RNF125: variants seen among roughly 807,000 people sequenced by gnomAD.
RNF125 encodes E3 ubiquitin-protein ligase RNF125.
RNF125 carries 21 observed loss-of-function variants against 26.0 expected under a neutral mutation model. The observed-to-expected ratio is 0.81, with a 90% confidence interval of 0.57 to 1.16. The LOEUF is 1.16. Among genes scored for constraint, RNF125 ranks in the 50% most tolerant of loss-of-function variants. The pLI is 0.00. For synonymous variants in RNF125, 95 were observed against 109.2 expected, an observed-to-expected ratio of 0.87 and a Z score of 0.81; for missense variants, 270 against 299.4, an observed-to-expected ratio of 0.90 and a Z score of 0.72.
At chr18:32,027,003 TG>T (rs1211733270) in intron 1 of RNF125, among the ~76,000 whole-genome samples, 10 of 152,230 alleles carry the variant, frequency 6.6e-5, no homozygotes, top group Non-Finnish European at 2.9e-5. Flanking sequence ...AAACAACAGC[TG>T]GATGAGAGGC....
At chr18:32,022,303 G>A (rs914093425) in intron 1 of RNF125, among the ~76,000 whole-genome samples, 2 of 152,146 alleles carry the variant, frequency 1.3e-5, no homozygotes, top group Non-Finnish European at 1.5e-5. Context: ...GTATTGTGAT[G>A]CAGTAGTAAC....
At chr18:32,067,247 C>G (rs574093338) in intron 5 of RNF125, among the ~76,000 whole-genome samples, 2 of 152,118 alleles carry the variant, frequency 1.3e-5, no homozygotes, top group African/African-American at 4.8e-5. Flanking sequence ...AGCGAGACTC[C>G]GTCTCAAGAG....
At chr18:32,054,086 CTTTTTTTT>C (rs35616121) in intron 4 of RNF125, among the ~76,000 whole-genome samples, 1 of 88,360 alleles carries the variant, frequency 1.1e-5, no homozygotes, top group African/African-American at 4.7e-5. Context: ...GACATTTGTA[CTTTTTTTT>C]TTTTTTTTTT....
chr18:32,044,622 C>CCA (rs1311986066), intron 3 of RNF125, among the ~76,000 whole-genome samples: 2 of 152,060 alleles, frequency 1.3e-5, no homozygotes, highest in Non-Finnish European at 2.9e-5. Context: ...GCTCACTGCA[C>CCA]TTCTCTTTAG....
intron 3 of RNF125, among the ~76,000 whole-genome samples, chr18:32,044,843 G>A (rs1365480531): frequency 9.9e-5 from 15 of 151,678 alleles, no homozygotes. Context: ...CCTGCAGTCC[G>A]GGCGAGGTGG....
At chr18:32,030,584 A>T (rs995248479) in intron 1 of RNF125, among the ~76,000 whole-genome samples, 1 of 152,224 alleles carries the variant, frequency 6.6e-6, no homozygotes, top group African/African-American at 2.4e-5. Flanking sequence ...AACCAAAAAT[A>T]AAATTCTAAG....
At chr18:32,032,109 C>T (rs1054003874) in intron 1 of RNF125, among the ~76,000 whole-genome samples, 2 of 150,832 alleles carry the variant, frequency 1.3e-5, no homozygotes, top group Non-Finnish European at 3.0e-5. Context: ...CGGAGTCTTC[C>T]TCTGTCACCC....
downstream of RNF125, among the ~76,000 whole-genome samples, chr18:32,074,780 T>C (rs2039558537): frequency 6.6e-6 from 1 of 152,194 alleles, no homozygotes; most frequent in Non-Finnish European, 1.5e-5. Flanking sequence ...TGACCTCAGA[T>C]GATCCGCCTG....
In RNF125 at chr18:32,018,934, G is replaced by C. The variant is rs748731357; in HGVS notation, c.71G>C (p.Arg24Pro). 6.2e-7 allele frequency: 1 copy of C among 1,612,768 alleles called. No individual in the cohort carries two copies. The highest frequency in any genetic ancestry group is 1.7e-5 in the Admixed American group (1 of 59,854). The stretch of plus-strand genomic sequence containing the variant: ...TCTGCCACCGCGCGGGCCCTGGAGC[G>C]CAGGAGGGACCCGGAGTTGCCCGTC... Reference protein sequence around the residue: ...PASATARALERRRDPELPVTS... With the variant: ...PASATARALEPRRDPELPVTS... Residue 24 changes from arginine (R) to proline (P), a missense_variant, in exon 1 of 6, where the codon CGC becomes CCC. Coordinates refer to ENST00000217740, the MANE Select transcript of RNF125 (RefSeq NM_017831.4).
At chr18:32,043,022 A>G (rs1430197854) in intron 3 of RNF125, among the ~76,000 whole-genome samples, 2 of 151,606 alleles carry the variant, frequency 1.3e-5, no homozygotes, top group African/African-American at 4.9e-5. Flanking sequence ...GGTGGCGCAC[A>G]CCTGTAATCC....
chr18:32,085,453 A>G, the RNF125 span, among the ~76,000 whole-genome samples: 1 of 151,014 alleles, frequency 6.6e-6, no homozygotes, highest in Admixed American at 6.6e-5. Context: ...TAATCCCAGC[A>G]CTTTAAGAGG....
chr18:32,021,474 C>T (rs1209981159), intron 1 of RNF125, among the ~76,000 whole-genome samples: 1 of 152,194 alleles, frequency 6.6e-6, no homozygotes, highest in African/African-American at 2.4e-5. Context: ...TGTTGCTCAG[C>T]TGTCCAGATG....
chr18:32,047,227 A>T (rs1332731685), intron 4 of RNF125, among the ~76,000 whole-genome samples: 3 of 152,028 alleles, frequency 2.0e-5, no homozygotes, highest in Admixed American at 2.0e-4. Context: ...TTTGATAGAG[A>T]CAGGGTTTCA....
chr18:32,031,568 T>A (rs1327662951), intron 1 of RNF125, among the ~76,000 whole-genome samples: 1 of 148,736 alleles, frequency 6.7e-6, no homozygotes, highest in Non-Finnish European at 1.5e-5. Flanking sequence ...CTCTAAATAA[T>A]GTAAGCAAAT....
At chr18:32,076,527 G>A (rs1313537097), downstream of RNF125, among the ~76,000 whole-genome samples, 1 of 152,072 alleles carries the variant, frequency 6.6e-6, no homozygotes, top group Non-Finnish European at 1.5e-5. Context: ...ATGTTGCCCA[G>A]GTTGGTCTCT....
At chr18:32,050,493 T>A (rs534220416) in intron 4 of RNF125, among the ~76,000 whole-genome samples, 3 of 152,026 alleles carry the variant, frequency 2.0e-5, no homozygotes, top group Non-Finnish European at 4.4e-5. Context: ...AATTCTTTAA[T>A]TATTATTTTT....
chr18:32,079,030 A>G, the RNF125 span, among the ~76,000 whole-genome samples: 38 of 152,196 alleles, frequency 2.5e-4, no homozygotes, highest in Non-Finnish European at 4.3e-4. Context: ...TTGTTTATAT[A>G]TCTGAGATCC....
chr18:32,090,806 ATGGCTTCTGTTT>A, the RNF125 span, among the ~76,000 whole-genome samples: 5 of 152,194 alleles, frequency 3.3e-5, no homozygotes, highest in Admixed American at 6.5e-5. Context: ...AGTCCCTTAA[ATGGCTTCTGTTT>A]ATTCATTTAG....
intron 1 of RNF125, among the ~76,000 whole-genome samples, chr18:32,019,626 G>A (rs2038966618): frequency 6.6e-6 from 1 of 151,628 alleles, no homozygotes; most frequent in African/African-American, 2.4e-5. Context: ...CAGACACCCA[G>A]CCCCTCAAAG....
Sources: allele counts gnomAD v4.1 joint callset (sites outside exome capture counted in the v4.1 genomes callset), GRCh38; gene constraint gnomAD v4.1.1; transcripts MANE v1.5; gene names NCBI Gene and HGNC (gene_info 2026-07-23, HGNC 2026-07-21).